The following NCALD variants were observed in gnomAD, a reference collection of about 807,000 sequenced individuals.
NCALD encodes neurocalcin-delta.
NCALD carries 10 observed loss-of-function variants against 18.6 expected under a neutral mutation model. The observed-to-expected ratio is 0.54, with a 90% confidence interval of 0.33 to 0.91. NCALD has a LOEUF of 0.91. Ranked by LOEUF, NCALD falls within the 40% of genes least tolerant of loss-of-function variation. The pLI is 0.03. For missense variants in NCALD, 184 were observed against 247.6 expected, an observed-to-expected ratio of 0.74 and a Z score of 1.72; for synonymous variants, 88 against 87.4, an observed-to-expected ratio of 1.01 and a Z score of -0.04.
chr8:102,093,933 T>C lies in NCALD; in HGVS notation c.-210+30304A>G, dbSNP rs892348151. ...ACCCTACAAATTCCTGAAGATAAGA[T>C]AGATGAGCCCAGAGTGGCAAGAATT... On this transcript the variant is annotated intron_variant, in intron 1 of 6. Transcript: ENST00000311028. Among the ~76,000 whole-genome samples, 5 of 152,264 alleles carry C rather than the reference T, an allele frequency of 3.3e-5. No homozygotes were observed. The East Asian group carries it at 9.6e-4, about 29-fold the overall frequency.
At chr8:101,944,223 C>T (rs1819078816) in intron 2 of NCALD, among the ~76,000 whole-genome samples, 1 of 152,174 alleles carries the variant, frequency 6.6e-6, no homozygotes, top group South Asian at 2.1e-4. Flanking sequence ...TTGTCACGGG[C>T]AAGTCCAGCC....
intron 2 of NCALD, among the ~76,000 whole-genome samples, chr8:101,702,937 A>G (rs1815338352): frequency 1.3e-5 from 2 of 152,238 alleles, no homozygotes; most frequent in African/African-American, 4.8e-5. Flanking sequence ...ATCACAATGC[A>G]CACGAACATA....
Position 101,920,189 on chromosome 8 carries a change from C to T in NCALD, c.-156-4331G>A, listed in dbSNP as rs866809297. 3.4e-4 allele frequency among the ~76,000 whole-genome samples: 51 copies of T among 152,170 alleles called. 1 individual carries two copies. Among genetic ancestry groups the T allele is most frequent in the Admixed American group, 7.9e-4 (12 of 15,278 alleles). On this transcript the variant is annotated intron_variant, in intron 2 of 6. Transcript: ENST00000311028. ...GGAAGATCACTTGAGCCCAGGAGGT[C>T]CAGGCTATAGTGAGACATGATTGTG... is the stretch of plus-strand genomic sequence containing the variant.
At chr8:101,729,686 T>C (rs1255478076) in intron 1 of NCALD, among the ~76,000 whole-genome samples, 2 of 152,198 alleles carry the variant, frequency 1.3e-5, no homozygotes, top group African/African-American at 4.8e-5. Flanking sequence ...TTGCATTCCC[T>C]ACAGCATGAG....
intron 4 of NCALD, among the ~76,000 whole-genome samples, chr8:101,831,090 C>T (rs1381302130): frequency 6.6e-6 from 1 of 152,010 alleles, no homozygotes; most frequent in Non-Finnish European, 1.5e-5. Context: ...ATATGGCAGC[C>T]TCAATCCATA....
intron 4 of NCALD, among the ~76,000 whole-genome samples, chr8:101,867,557 G>C (rs1489792383): frequency 6.6e-6 from 1 of 152,144 alleles, no homozygotes; most frequent in Non-Finnish European, 1.5e-5. Context: ...TTCCAATTTT[G>C]GACTTTAATT....
At chr8:102,088,108 G>T (rs528420632) in intron 1 of NCALD, among the ~76,000 whole-genome samples, 1 of 152,148 alleles carries the variant, frequency 6.6e-6, no homozygotes, top group African/African-American at 2.4e-5. Flanking sequence ...ATAGAACATG[G>T]GCTTAGAACC....
chr8:101,984,454 C>A (rs1296390987), intron 2 of NCALD, among the ~76,000 whole-genome samples: 1 of 152,226 alleles, frequency 6.6e-6, no homozygotes, highest in Non-Finnish European at 1.5e-5. Flanking sequence ...TACAGGACAA[C>A]TGACTAATAA....
chr8:101,728,232 TCTTTA>T (rs560525215), intron 1 of NCALD, among the ~76,000 whole-genome samples: 244 of 152,314 alleles, frequency 1.6e-3, no homozygotes, highest in Non-Finnish European at 2.5e-3. Context: ...CACGTTCCCT[TCTTTA>T]CTTTGTGTAT....
intron 1 of NCALD, among the ~76,000 whole-genome samples, chr8:102,100,324 T>C (rs181524236): frequency 6.6e-6 from 1 of 152,338 alleles, no homozygotes; most frequent in East Asian, 1.9e-4. Flanking sequence ...AAATGTTATA[T>C]CCAGATTCTT....
At chr8:102,077,298 T>G (rs1388615326) in intron 1 of NCALD, among the ~76,000 whole-genome samples, 1 of 152,136 alleles carries the variant, frequency 6.6e-6, no homozygotes, top group Non-Finnish European at 1.5e-5. Context: ...ATCCTATGGT[T>G]CCTCCACAGG....
intron 4 of NCALD, among the ~76,000 whole-genome samples, chr8:101,854,080 G>A (rs748895832): frequency 2.0e-5 from 3 of 152,218 alleles, no homozygotes; most frequent in Non-Finnish European, 2.9e-5. Context: ...AGAAGAGGAG[G>A]AATGTAAAGT....
At chr8:101,709,157 A>G (rs1815668083) in intron 2 of NCALD, among the ~76,000 whole-genome samples, 1 of 152,244 alleles carries the variant, frequency 6.6e-6, no homozygotes, top group Non-Finnish European at 1.5e-5. Flanking sequence ...TCGAGAGTTT[A>G]AATACCCGCT....
chr8:102,019,326 A>C (rs1002449356), intron 2 of NCALD, among the ~76,000 whole-genome samples: 3 of 152,128 alleles, frequency 2.0e-5, no homozygotes, highest in Non-Finnish European at 2.9e-5. Flanking sequence ...TTGTGGCATA[A>C]ATTTTTAAAT....
Position 101,864,681 on chromosome 8 carries a change from G to A in NCALD, c.-20+22460C>T, listed in dbSNP as rs529321394. On this transcript the variant is annotated intron_variant, in intron 4 of 6. Transcript: ENST00000311028. ...ACGATCTTGACTCACTGCAACCTCC[G>A]CCTCCTGGGTTAAAGCGATTCTTCT... 3.4e-5 allele frequency among the ~76,000 whole-genome samples: 5 copies of A among 147,490 alleles called. No individual in the cohort carries two copies. In the East Asian group the frequency reaches 6.0e-4, roughly 18 times the overall value.
intron 2 of NCALD, among the ~76,000 whole-genome samples, chr8:101,935,428 G>A (rs866302056): frequency 9.2e-5 from 14 of 152,326 alleles, no homozygotes; most frequent in Middle Eastern, 3.4e-3. Flanking sequence ...GAAGCAGCCA[G>A]ATAAGATTTT....
chr8:101,951,114 C>T (rs1819401129), intron 2 of NCALD, among the ~76,000 whole-genome samples: 1 of 152,066 alleles, frequency 6.6e-6, no homozygotes, highest in South Asian at 2.1e-4. Flanking sequence ...CAATGTTGGT[C>T]TTGGTTTTGG....
intron 4 of NCALD, among the ~76,000 whole-genome samples, chr8:101,867,124 T>G (rs1252688268): frequency 6.6e-6 from 1 of 152,212 alleles, no homozygotes; most frequent in East Asian, 1.9e-4. Context: ...CGTCCTGGCA[T>G]GGTCTCCCAC....
At chr8:101,877,956 A>G (rs556099721) in intron 4 of NCALD, among the ~76,000 whole-genome samples, 1 of 152,358 alleles carries the variant, frequency 6.6e-6, no homozygotes, top group Admixed American at 6.5e-5. Context: ...TTTATATTTC[A>G]GAGGAAGCCA....
Sources: allele counts gnomAD v4.1 joint callset (sites outside exome capture counted in the v4.1 genomes callset), GRCh38; gene constraint gnomAD v4.1.1; transcripts MANE v1.5; gene names NCBI Gene and HGNC (gene_info 2026-07-23, HGNC 2026-07-21).